GAREM1: variants seen among roughly 807,000 people sequenced by gnomAD.
GAREM1 encodes the protein GRB2 associated regulator of MAPK1 subtype 1.
A neutral mutation model predicts 71.3 loss-of-function variants in GAREM1; 26 were observed. The ratio of observed to expected loss-of-function variants is 0.36; its 90% CI spans 0.27 to 0.51. GAREM1 has a LOEUF of 0.51. Among genes scored for constraint, GAREM1 ranks in the 20% least tolerant of loss-of-function variants. GAREM1 has a pLI of 0.95. For missense variants in GAREM1, 1,026 were observed against 1,103.1 expected, an observed-to-expected ratio of 0.93 and a Z score of 0.99; for synonymous variants, 440 against 433.2, an observed-to-expected ratio of 1.02 and a Z score of -0.20.
chr18:32,329,337 C>T (rs1418366994), intron 2 of GAREM1, among the ~76,000 whole-genome samples: 1 of 151,808 alleles, frequency 6.6e-6, no homozygotes, highest in East Asian at 1.9e-4. Context: ...GATTGTGCCA[C>T]TGCACTGTAG....
chr18:32,456,661 C>T (rs1300542403), intron 1 of GAREM1, among the ~76,000 whole-genome samples: 1 of 151,966 alleles, frequency 6.6e-6, no homozygotes, highest in Non-Finnish European at 1.5e-5. Flanking sequence ...ATCAGGAAAA[C>T]AATGTTATCA....
chr18:32,397,732 T>C (rs1346138850), intron 1 of GAREM1, among the ~76,000 whole-genome samples: 2 of 152,142 alleles, frequency 1.3e-5, no homozygotes, highest in Non-Finnish European at 2.9e-5. Flanking sequence ...ACTGTCAACA[T>C]TAGACAGATA....
intron 1 of GAREM1, among the ~76,000 whole-genome samples, chr18:32,440,672 A>T (rs17811666): frequency 6.6e-6 from 1 of 152,094 alleles, no homozygotes; most frequent in Non-Finnish European, 1.5e-5. Flanking sequence ...GTGCATACCC[A>T]TAGAACTTAC....
intron 1 of GAREM1, among the ~76,000 whole-genome samples, chr18:32,459,727 A>G (rs376953048): frequency 1.9e-3 from 283 of 152,312 alleles, no homozygotes; most frequent in African/African-American, 6.1e-3. Flanking sequence ...ATCTAGGAGC[A>G]TAAACTACTG....
chr18:32,382,990 G>GA (rs2048112022), intron 2 of GAREM1, among the ~76,000 whole-genome samples: 1 of 152,154 alleles, frequency 6.6e-6, no homozygotes, highest in South Asian at 2.1e-4. Context: ...GGCATGAATG[G>GA]AAAAACGGAA....
chr18:32,272,386 G>T (rs1257018866), intron 4 of GAREM1, among the ~76,000 whole-genome samples: 1 of 152,212 alleles, frequency 6.6e-6, no homozygotes, highest in Non-Finnish European at 1.5e-5. Flanking sequence ...CCTGGTTACT[G>T]GGGCCCAGTG....
At chr18:32,434,986 A>G (rs2048660665) in intron 1 of GAREM1, among the ~76,000 whole-genome samples, 1 of 152,188 alleles carries the variant, frequency 6.6e-6, no homozygotes, top group African/African-American at 2.4e-5. Flanking sequence ...CGTATCCCTA[A>G]CACAATGCAC....
intron 4 of GAREM1, among the ~76,000 whole-genome samples, chr18:32,272,047 T>C (rs2041470320): frequency 6.6e-6 from 1 of 152,210 alleles, no homozygotes; most frequent in Non-Finnish European, 1.5e-5. Flanking sequence ...ACCTTCACTT[T>C]CAATTCCTTT....
rs1327575667 is a variant in GAREM1 at position 32,470,738 on chromosome 18, GCCT to G, written c.-313_-311del. Among the ~76,000 whole-genome samples, 1 of 149,580 alleles carries G rather than the reference GCCT, an allele frequency of 6.7e-6. No individual in the cohort carries two copies. On this transcript the variant is annotated 5_prime_UTR_variant, in exon 1 of 6. Coordinates refer to ENST00000269209, the MANE Select transcript of GAREM1 (RefSeq NM_001242409.2). The surrounding 1 kb of genome is among the most constrained non-coding windows in gnomAD (Gnocchi z 4.4). ...GGGTGGCTGCGGCGGCTCCCGCTCCGCCTCCTCCTCTGGCCCTGGGTCTGCAGC... is the reference window on the plus strand; with the variant it reads ...GGGTGGCTGCGGCGGCTCCCGCTCCGCCTCCTCTGGCCCTGGGTCTGCAGC...
chr18:32,329,273 G>A (rs1220542919), intron 2 of GAREM1, among the ~76,000 whole-genome samples: 4 of 152,094 alleles, frequency 2.6e-5, no homozygotes, highest in Non-Finnish European at 5.9e-5. Context: ...CTACTGAGGA[G>A]GCTAAGGTGG....
At chr18:32,421,286 C>CT (rs2048517419) in intron 1 of GAREM1, among the ~76,000 whole-genome samples, 1 of 152,094 alleles carries the variant, frequency 6.6e-6, no homozygotes, top group Non-Finnish European at 1.5e-5. Context: ...AGTAAGCACT[C>CT]AACAAAGCTT....
Position 32,268,098 on chromosome 18 carries a change from A to T in GAREM1, c.2404T>A (p.Trp802Arg). 1 of 1,614,096 alleles carries T rather than the reference A, an allele frequency of 6.2e-7. No individual in the cohort carries two copies. The highest frequency in any genetic ancestry group is 2.2e-5 in the East Asian group (1 of 44,874). ...APRSCGDGSP[W>R]QPPADLSGLS... Reference sequence around the variant, plus strand: ...CCTGATAGGTCAGCAGGTGGCTGCCATGGGGAACCGTCGCCACAGGATCTG... The same window carrying T: ...CCTGATAGGTCAGCAGGTGGCTGCCTTGGGGAACCGTCGCCACAGGATCTG... Residue 802 changes from tryptophan to arginine, a missense_variant, in exon 6 of 6, where the codon TGG becomes AGG. Physicochemically the swap from Trp to Arg is moderately radical, Grantham distance 101 (BLOSUM62 -3). This residue lies in a region of GAREM1 where 636 missense variants were observed against 631.2 expected (regional missense o/e 1.01). Coordinates refer to ENST00000269209, the MANE Select transcript of GAREM1 (RefSeq NM_001242409.2).
chr18:32,443,814 T>C (rs1159638555), intron 1 of GAREM1, among the ~76,000 whole-genome samples: 2 of 152,156 alleles, frequency 1.3e-5, no homozygotes, highest in African/African-American at 2.4e-5. Flanking sequence ...TAGTAACTTG[T>C]ACACAGATGT....
At chr18:32,435,026 T>C (rs2048661170) in intron 1 of GAREM1, among the ~76,000 whole-genome samples, 1 of 152,150 alleles carries the variant, frequency 6.6e-6, no homozygotes, top group Non-Finnish European at 1.5e-5. Context: ...CATCTCTGCA[T>C]GTTTTCCCTC....
At chr18:32,303,922 A>AAAAAG (rs1281159639) in intron 3 of GAREM1, among the ~76,000 whole-genome samples, 2 of 151,320 alleles carry the variant, frequency 1.3e-5, no homozygotes, top group African/African-American at 4.9e-5. Flanking sequence ...TTCTTAAAAA[A>AAAAAG]AAAGAAAGAG....
intron 1 of GAREM1, among the ~76,000 whole-genome samples, chr18:32,445,398 C>A (rs1035516708): frequency 6.6e-6 from 1 of 151,964 alleles, no homozygotes; most frequent in African/African-American, 2.4e-5. Context: ...AAGCAGTATA[C>A]CTATGATCTA....
intron 1 of GAREM1, among the ~76,000 whole-genome samples, chr18:32,426,181 G>A (rs1383123551): frequency 6.6e-6 from 1 of 151,972 alleles, no homozygotes; most frequent in Non-Finnish European, 1.5e-5. Flanking sequence ...ACCACGCCCA[G>A]CTAGTTTTTG....
At chr18:32,307,401 T>C (rs2047266730) in intron 3 of GAREM1, among the ~76,000 whole-genome samples, 1 of 152,210 alleles carries the variant, frequency 6.6e-6, no homozygotes, top group African/African-American at 2.4e-5. Flanking sequence ...AATAGCTACA[T>C]TTATGAGTAA....
At chr18:32,275,829 C>G (rs2041534527) in intron 4 of GAREM1, among the ~76,000 whole-genome samples, 1 of 152,164 alleles carries the variant, frequency 6.6e-6, no homozygotes, top group Non-Finnish European at 1.5e-5. Flanking sequence ...CAAGCATGTA[C>G]CACCACGCCT....
Sources: allele counts gnomAD v4.1 joint callset (sites outside exome capture counted in the v4.1 genomes callset), GRCh38; gene constraint gnomAD v4.1.1; regional missense constraint gnomAD v4.1.1; non-coding constraint Gnocchi (gnomAD v3.1); transcripts MANE v1.5; gene names NCBI Gene and HGNC (gene_info 2026-07-23, HGNC 2026-07-21).